The following LRP6 variants were observed in gnomAD, a reference collection of about 807,000 sequenced individuals.
LRP6 encodes low-density lipoprotein receptor-related protein 6.
A neutral mutation model predicts 184.1 loss-of-function variants in LRP6; 43 were observed. The ratio of observed to expected loss-of-function variants is 0.23; its 90% CI spans 0.18 to 0.30. The LOEUF is 0.30. LRP6 is among the 10% of genes least tolerant of loss of function. The probability of loss-of-function intolerance (pLI) is 1.00; values close to 1 mark genes in which losing one functional copy is unlikely to be tolerated. For missense variants in LRP6, 1,571 were observed against 2,005.3 expected, an observed-to-expected ratio of 0.78 and a Z score of 4.14; for synonymous variants, 719 against 684.9, an observed-to-expected ratio of 1.05 and a Z score of -0.78.
At chr12:12,221,020 G>A (rs1036890084) in intron 2 of LRP6, among the ~76,000 whole-genome samples, 7 of 152,096 alleles carry the variant, frequency 4.6e-5, no homozygotes, top group Admixed American at 2.0e-4. Flanking sequence ...TTCTACAAGT[G>A]GCATGTTTGC....
At chr12:12,193,332 T>C (rs1863665584) in intron 3 of LRP6, among the ~76,000 whole-genome samples, 1 of 143,192 alleles carries the variant, frequency 7.0e-6, no homozygotes, top group African/African-American at 2.6e-5. Flanking sequence ...GTAGATTAAA[T>C]CCAAAGCAAG....
intron 1 of LRP6, among the ~76,000 whole-genome samples, chr12:12,245,882 T>C (rs978676534): frequency 6.6e-6 from 1 of 152,060 alleles, no homozygotes; most frequent in Non-Finnish European, 1.5e-5. Flanking sequence ...CTTTCTGTGA[T>C]GATGGAAATG....
Position 12,213,046 on chromosome 12 carries a change from G to A in LRP6, c.450-9646C>T, listed in dbSNP as rs540192909. Among the ~76,000 whole-genome samples the A allele has an allele frequency of 3.3e-5, 5 of 152,198 alleles. No homozygotes were observed. In the South Asian group the frequency reaches 1.0e-3, roughly 32 times the overall value. ...TAGCAGCTTCTTTAGAGGACTAATG[G>A]GAAGAAACTGGTTTCATCATCTGGA... On this transcript the variant is annotated intron_variant, in intron 2 of 22. Transcript: ENST00000261349.
chr12:12,255,834 T>C (rs537385495), intron 1 of LRP6, among the ~76,000 whole-genome samples: 12 of 152,244 alleles, frequency 7.9e-5, no homozygotes, highest in African/African-American at 2.2e-4. Context: ...CCTTCCAAAG[T>C]GCTGGGATTA....
chr12:12,260,518 A>G (rs1865587866), intron 1 of LRP6, among the ~76,000 whole-genome samples: 1 of 152,228 alleles, frequency 6.6e-6, no homozygotes, highest in African/African-American at 2.4e-5. Flanking sequence ...CCACTGGCCT[A>G]AAACTATCAA....
chr12:12,133,995 C>T (rs907278934), intron 17 of LRP6, among the ~76,000 whole-genome samples: 4 of 152,094 alleles, frequency 2.6e-5, no homozygotes, highest in Non-Finnish European at 4.4e-5. Flanking sequence ...ACTCTTTGTA[C>T]ATATCTGATT....
intron 18 of LRP6, among the ~76,000 whole-genome samples, chr12:12,131,503 G>C (rs541618167): frequency 3.9e-4 from 60 of 152,280 alleles, no homozygotes; most frequent in African/African-American, 1.2e-3. Flanking sequence ...GGAAAGTGAA[G>C]AATATAAAAT....
rs555524920 is a variant in LRP6, at chr12:12,154,275, A to G, written c.2792-3237T>C. On this transcript the variant is annotated intron_variant, in intron 12 of 22. Coordinates refer to ENST00000261349, the MANE Select transcript of LRP6 (RefSeq NM_002336.3). Reference sequence around the variant, plus strand: ...TGATAGGCCTTCTCCCAGTATCCGCATAGCTCATTTCCTCACTTCCTTCAG... The same window carrying G: ...TGATAGGCCTTCTCCCAGTATCCGCGTAGCTCATTTCCTCACTTCCTTCAG... Among the ~76,000 whole-genome samples, 962 of 151,960 alleles carry G rather than the reference A, an allele frequency of 6.3e-3. 10 individuals are homozygous for G. The highest frequency in any genetic ancestry group is 0.022 in the African/African-American group (895 of 41,414).
At chr12:12,128,421 A>C (rs1030257093) in intron 19 of LRP6, among the ~76,000 whole-genome samples, 1 of 152,164 alleles carries the variant, frequency 6.6e-6, no homozygotes, top group Non-Finnish European at 1.5e-5. Context: ...GGGAGATTCT[A>C]TCTACTGTCA....
Position 12,131,895 on chromosome 12 carries a change from T to G in LRP6, c.3896A>C (p.Gln1299Pro), listed in dbSNP as rs773978347. 1.2e-6 allele frequency: 2 copies of G among 1,614,214 alleles called. No homozygotes were observed. Among genetic ancestry groups the G allele is most frequent in the Non-Finnish European group, 8.5e-7 (1 of 1,180,034 alleles). The change falls in exon 18 of 23, where the codon CAG becomes CCG. Residue 1299 changes from glutamine (Q) to proline (P), a missense_variant. Physicochemically the swap from Gln to Pro is moderately conservative, Grantham distance 76 (BLOSUM62 -1). Transcript: ENST00000261349. ...GCATCGGAGGGCACCATCAATACACTGCCCACTGGCACACTGGAACTGGGA... is the reference window on the plus strand; with the variant it reads ...GCATCGGAGGGCACCATCAATACACGGCCCACTGGCACACTGGAACTGGGA... ...SESQFQCASG[Q>P]CIDGALRCNG...
Position 12,120,008 on chromosome 12 carries a change from TATATATATA to T in LRP6, c.*1109_*1117del. The T allele has an allele frequency of 1.1e-5, 1 of 88,454 alleles. No homozygotes were observed. The highest frequency in any genetic ancestry group is 4.2e-5 in the African/African-American group (1 of 23,964). 5.5% of individuals were successfully genotyped at this position (88,454 alleles called of 1,614,324 possible). A position where few individuals can be genotyped will look rare whatever the true frequency, so the allele number is the denominator to read the frequency against. ...CAAACAAAATATATATATATATATA[TATATATATA>T]TATATATATATATATATATATATAT... is the stretch of plus-strand genomic sequence containing the variant. On this transcript the variant is annotated 3_prime_UTR_variant, in exon 23 of 23. Coordinates refer to ENST00000261349, the MANE Select transcript of LRP6 (RefSeq NM_002336.3).
intron 3 of LRP6, among the ~76,000 whole-genome samples, chr12:12,201,218 A>G (rs1863906534): frequency 6.6e-6 from 1 of 151,912 alleles, no homozygotes; most frequent in Admixed American, 6.6e-5. Context: ...TATTGTCCCT[A>G]TCCTGCTCAA....
intron 1 of LRP6, among the ~76,000 whole-genome samples, 170 bp downstream of exon 1, chr12:12,266,511 C>T (rs1865767662): frequency 6.6e-6 from 1 of 152,062 alleles, no homozygotes; most frequent in African/African-American, 2.4e-5. Context: ...CCGGGCGGTG[C>T]ACGCAGCCCC....
At position 12,158,876 on chromosome 12, in the gene LRP6, C is replaced by T. The variant is rs772249552; in HGVS notation, c.2744G>A (p.Gly915Glu). The T allele has an allele frequency of 3.1e-6, 5 of 1,614,198 alleles. No individual in the cohort carries two copies. In the East Asian group the frequency reaches 8.9e-5, roughly 29 times the overall value. Residue 915 changes from glycine to glutamate, a missense_variant, in exon 12 of 23, where the codon GGA becomes GAA. Gly to Glu is a moderately conservative substitution (Grantham distance 98). Coordinates refer to ENST00000261349, the MANE Select transcript of LRP6 (RefSeq NM_002336.3). ...LAVPVGGFVC[G>E]CPAHYSLNAD... ...ATTAAGAGAGTAGTGGGCAGGGCAT[C>T]CACAAACAAAACCCCCAACTGGCAC...
At position 12,244,489 on chromosome 12, in the gene LRP6, G is replaced by A. The variant is rs1865137469; in HGVS notation, c.222C>T (p.Ala74=). The stretch of plus-strand genomic sequence containing the variant: ...TTTTGTTAAATTCTGTTCGTTTAAT[G>A]GCTTCTTCGCTGACATCACTCCAGT... ...LIYWSDVSEE[A]IKRTEFNKTE... is the part of the protein sequence containing the mutation. The change falls in exon 2 of 23, where the codon GCC becomes GCT. Residue 74 remains alanine, a synonymous_variant. Coordinates refer to ENST00000261349, the MANE Select transcript of LRP6 (RefSeq NM_002336.3). 2 of 1,614,092 alleles carry A rather than the reference G, an allele frequency of 1.2e-6. No homozygotes were observed. Among genetic ancestry groups the A allele is most frequent in the Admixed American group, 3.3e-5 (2 of 60,012 alleles).
chr12:12,157,601 C>T (rs969865174), intron 12 of LRP6, among the ~76,000 whole-genome samples: 6 of 152,028 alleles, frequency 3.9e-5, no homozygotes, highest in Non-Finnish European at 7.4e-5. Context: ...TGCTTGTGTC[C>T]TTTCTCTTTC....
intron 2 of LRP6, among the ~76,000 whole-genome samples, chr12:12,231,140 C>T (rs1409855545): frequency 1.7e-5 from 2 of 119,588 alleles, no homozygotes; most frequent in Non-Finnish European, 3.2e-5. Context: ...GAGATCGTGA[C>T]ACTACACTCT....
chr12:12,252,247 G>T (rs1339823086), intron 1 of LRP6, among the ~76,000 whole-genome samples: 1 of 151,774 alleles, frequency 6.6e-6, no homozygotes, highest in African/African-American at 2.4e-5. Flanking sequence ...TTTTTCCACA[G>T]TGGCCCATGA....
chr12:12,139,969 G>C lies in LRP6; in HGVS notation c.3398-1435C>G, dbSNP rs192103159. ...GGTATTTTAGAATGGAACAAAGGTA[G>C]GAGTTATGTGGCTGGGGCTGAAAGA... On this transcript the variant is annotated intron_variant, in intron 15 of 22. Transcript: ENST00000261349. Among the ~76,000 whole-genome samples, 137 of 152,266 alleles carry C rather than the reference G, an allele frequency of 9.0e-4. 1 individual carries two copies. Among genetic ancestry groups the C allele is most frequent in the Middle Eastern group, 3.4e-3 (1 of 294 alleles).
Sources: allele counts gnomAD v4.1 joint callset (sites outside exome capture counted in the v4.1 genomes callset), GRCh38; gene constraint gnomAD v4.1.1; transcripts MANE v1.5; gene names NCBI Gene and HGNC (gene_info 2026-07-23, HGNC 2026-07-21).